The following KLHL13 variants were observed in gnomAD, a reference collection of about 807,000 sequenced individuals.
The protein encoded by KLHL13 is kelch like family member 13.
KLHL13 carries 10 observed loss-of-function variants against 37.1 expected under a neutral mutation model. The ratio of observed to expected loss-of-function variants is 0.27; its 90% confidence interval spans 0.17 to 0.46. The LOEUF (loss-of-function observed/expected upper bound fraction) is 0.46, where lower values mean the gene tolerates loss of function less well. Ranked by LOEUF, KLHL13 falls within the 20% of genes least tolerant of loss-of-function variation. The pLI is 1.00. For synonymous variants in KLHL13, 163 were observed against 181.2 expected (o/e 0.90, Z 0.81); for missense variants, 360 against 509.3 (o/e 0.71, Z 2.82).
At chrX:118,108,208 T>A (rs773813737) in intron 1 of KLHL13, among the ~76,000 whole-genome samples, 1 of 112,113 alleles carries the variant, frequency 8.9e-6, no homozygotes, top group East Asian at 2.8e-4. Flanking sequence ...CTGAATAGAC[T>A]GTAAAAGCAC....
At chrX:118,011,655 G>T (rs753990379) in intron 1 of KLHL13, among the ~76,000 whole-genome samples, 38 of 111,098 alleles carry the variant, frequency 3.4e-4, no homozygotes, top group Admixed American at 3.2e-3. Context: ...AAGGGTCCAG[G>T]ATGATGCCCG....
At chrX:118,076,837 T>C (rs2054933703) in intron 1 of KLHL13, among the ~76,000 whole-genome samples, 2 of 109,585 alleles carry the variant, frequency 1.8e-5, no homozygotes, top group Non-Finnish European at 3.8e-5. Flanking sequence ...AAATCTTTTT[T>C]CTCTTTCTTT....
At chrX:118,011,124 C>T (rs1465142162) in intron 1 of KLHL13, among the ~76,000 whole-genome samples, 7 of 108,831 alleles carry the variant, frequency 6.4e-5, no homozygotes, top group Non-Finnish European at 1.3e-4. Flanking sequence ...CCTAATTCTG[C>T]TTGGAAGAGG....
upstream of KLHL13, chrX:117,973,860 C>T: frequency 2.5e-6 from 1 of 402,247 alleles, no homozygotes; most frequent in Non-Finnish European, 3.1e-6. Context: ...AGACAGCTCA[C>T]AAATTGCCTA....
At chrX:117,986,252 T>C (rs1323500793) in intron 1 of KLHL13, among the ~76,000 whole-genome samples, 2 of 111,722 alleles carry the variant, frequency 1.8e-5, no homozygotes, top group Non-Finnish European at 3.8e-5. Flanking sequence ...GAAGCATACA[T>C]CAAGTGAACT....
exon 4 of KLHL13, chrX:117,919,607 C>T (rs764684320): frequency 3.3e-6 from 4 of 1,209,017 alleles, no homozygotes; most frequent in Non-Finnish European, 3.4e-6. Flanking sequence ...TGAAGGTTGT[C>T]CATATTAAGA....
intron 1 of KLHL13, among the ~76,000 whole-genome samples, chrX:118,073,639 T>C (rs5956868): frequency 0.064 from 7,162 of 111,916 alleles, 573 homozygotes; most frequent in African/African-American, 0.22. Flanking sequence ...AATATAACAA[T>C]AGAAAGTCAT....
intron 1 of KLHL13, among the ~76,000 whole-genome samples, chrX:118,022,926 T>C (rs1438503609): frequency 8.9e-6 from 1 of 111,965 alleles, no homozygotes; most frequent in Admixed American, 9.5e-5. Context: ...TCAAGGAGTG[T>C]TTCCCTTGTG....
intron 1 of KLHL13, among the ~76,000 whole-genome samples, chrX:118,056,514 C>T (rs1569304929): frequency 1.8e-5 from 2 of 111,887 alleles, no homozygotes; most frequent in Admixed American, 1.9e-4. Context: ...GCTATTGTAT[C>T]GGACAGGAAA....
intron 1 of KLHL13, among the ~76,000 whole-genome samples, chrX:118,079,086 A>C (rs2054959861): frequency 9.0e-6 from 1 of 111,650 alleles, no homozygotes; most frequent in African/African-American, 3.2e-5. Context: ...GTAACATACA[A>C]AAGTGACTAA....
intron 1 of KLHL13, among the ~76,000 whole-genome samples, chrX:118,052,384 G>A (rs2054624834): frequency 1.9e-5 from 2 of 105,805 alleles, no homozygotes; most frequent in Admixed American, 1.0e-4. Context: ...TTAGCCAGGC[G>A]TGGTGGCAGG....
intron 1 of KLHL13, among the ~76,000 whole-genome samples, chrX:117,949,859 G>C (rs142759875): frequency 0.053 from 5,910 of 111,563 alleles, 388 homozygotes; most frequent in African/African-American, 0.18. Context: ...AACTTTTCTT[G>C]GTAGAGAGGT....
intron 2 of KLHL13, among the ~76,000 whole-genome samples, chrX:117,928,852 T>A (rs1002555979): frequency 1.8e-5 from 2 of 111,320 alleles, no homozygotes; most frequent in Non-Finnish European, 3.8e-5. Context: ...TGGAAATCAA[T>A]GAAATAGAAA....
intron 1 of KLHL13, among the ~76,000 whole-genome samples, chrX:117,996,005 G>A (rs1331980176): frequency 1.8e-5 from 2 of 111,223 alleles, no homozygotes; most frequent in African/African-American, 6.5e-5. Context: ...TTTAATTTGG[G>A]GGGATATGCA....
At chrX:117,908,199 CCTTT>C (rs902306712) in intron 5 of KLHL13, among the ~76,000 whole-genome samples, 2 of 107,686 alleles carry the variant, frequency 1.9e-5, no homozygotes, top group Admixed American at 1.0e-4. Flanking sequence ...TTTCTTTCTT[CCTTT>C]CTGTCTTTCT....
chrX:118,053,800 A>T lies in KLHL13; in HGVS notation c.-56+62708T>A, dbSNP rs868662965. Among the ~76,000 whole-genome samples the T allele has an allele frequency of 4.0e-3, 199 of 49,368 alleles. 3 individuals carry two copies. Among genetic ancestry groups the T allele is most frequent in the African/African-American group, 0.019 (140 of 7,436 alleles). 42.9% of individuals were successfully genotyped at this position (49,368 alleles called of 115,157 possible). On this transcript the variant is annotated intron_variant, in intron 1 of 6. Transcript: ENST00000371882. The stretch of plus-strand genomic sequence containing the variant: ...GTGTGTGTGTGTGTGTGTGTGTGTG[A>T]GAGAGAGAGAGAGAGAGAGGAGAGG...
chrX:118,002,850 A>T (rs776455904), intron 1 of KLHL13, among the ~76,000 whole-genome samples: 1 of 111,637 alleles, frequency 9.0e-6, no homozygotes, highest in African/African-American at 3.2e-5. Context: ...TCCAACAAAG[A>T]TCTAATTTCC....
intron 1 of KLHL13, among the ~76,000 whole-genome samples, chrX:117,982,548 T>G (rs1569432895): frequency 1.8e-5 from 2 of 111,807 alleles, no homozygotes. Flanking sequence ...GAAAAGTGGT[T>G]CTTTTCTCTA....
intron 1 of KLHL13, among the ~76,000 whole-genome samples, chrX:118,016,291 C>A (rs1373592792): frequency 9.0e-6 from 1 of 111,558 alleles, no homozygotes; most frequent in African/African-American, 3.2e-5. Context: ...TGACATTCTA[C>A]ACCATGAAGA....
Sources: gnomAD v4.1 joint callset for allele counts (sites outside exome capture counted in the v4.1 genomes callset) on GRCh38, gnomAD v4.1.1 for gene constraint, MANE v1.5 for transcripts, NCBI Gene and HGNC (gene_info 2026-07-23, HGNC 2026-07-21) for gene names.